PDAP1: variants seen among roughly 807,000 people sequenced by gnomAD.
PDAP1 encodes the protein PDGFA associated protein 1.
PDAP1 carries 13 observed loss-of-function variants against 28.0 expected under a neutral mutation model. The observed-to-expected ratio is 0.46, with a 90% CI of 0.30 to 0.74. The LOEUF (loss-of-function observed/expected upper bound fraction) is 0.74, where lower values mean the gene tolerates loss of function less well. Ranked by LOEUF, PDAP1 falls within the 30% of genes least tolerant of loss-of-function variation. The probability of loss-of-function intolerance (pLI) is 0.07; values close to 1 mark genes in which losing one functional copy is unlikely to be tolerated. For missense variants in PDAP1, 150 were observed against 230.0 expected (o/e 0.65, Z 2.25); for synonymous variants, 77 against 85.1 (o/e 0.91, Z 0.52).
intron 4 of PDAP1, 85 bp from the exon 5 acceptor site, chr7:99,398,098 T>G: frequency 6.5e-7 from 1 of 1,527,450 alleles, no homozygotes; most frequent in South Asian, 1.2e-5. Flanking sequence ...AGGCCAAGGA[T>G]TCGGCCTAGG....
intron 3 of PDAP1, among the ~76,000 whole-genome samples, chr7:99,402,895 A>AG (rs1340526129): frequency 0.032 from 4,083 of 127,590 alleles, 209 homozygotes; most frequent in East Asian, 0.24. Flanking sequence ...AAAAAAAAAA[A>AG]AGAAAAGAAA....
At position 99,395,338 on chromosome 7, in the gene PDAP1, A is replaced by T. The variant is rs558470578; in HGVS notation, c.*1344T>A. The T allele has an allele frequency of 6.6e-6, 1 of 152,214 alleles. No individual in the cohort carries two copies. The highest frequency in any genetic ancestry group is 6.5e-5 in the Admixed American group (1 of 15,294). 9.4% of individuals were successfully genotyped at this position (152,214 alleles called of 1,614,324 possible). A position where few individuals can be genotyped will look rare whatever the true frequency, so the allele number is the denominator to read the frequency against. On this transcript the variant is annotated 3_prime_UTR_variant, in exon 6 of 6. Transcript: ENST00000350498. ...GTTAATTTTTGTATTTTTAGTAGAGACGGAGTTTCTCCATGTTGGCCAGGC... is the reference window on the plus strand; with the variant it reads ...GTTAATTTTTGTATTTTTAGTAGAGTCGGAGTTTCTCCATGTTGGCCAGGC...
chr7:99,407,430 A>T (rs576960418), intron 1 of PDAP1, among the ~76,000 whole-genome samples: 68 of 152,354 alleles, frequency 4.5e-4, no homozygotes, highest in African/African-American at 1.5e-3. Flanking sequence ...AGAATAAATC[A>T]GTAGAGAGCT....
At position 99,396,733 on chromosome 7, in the gene PDAP1, G is replaced by A. The variant is rs140953503; in HGVS notation, c.495C>T (p.Asp165=). The A allele has an allele frequency of 5.5e-5, 88 of 1,611,886 alleles. No individual in the cohort carries two copies. The African/African-American group carries it at 6.4e-4, about 12-fold the overall frequency. Residue 165 remains aspartate (D), a synonymous_variant, in exon 6 of 6, where the codon GAC becomes GAT. Transcript: ENST00000350498. ...TTCGTTTTCCTGACAATGTGGCATC[G>A]TCTTTTGCTGAGGGGTGGGAGAAGG... The part of the protein sequence containing the change: ...RKKEEERKAK[D]DATLSGKRMQ...
rs371075863 is a variant in PDAP1 at position 99,404,959 on chromosome 7, G to A, written c.14-6C>T. 1.5e-5 allele frequency: 24 copies of A among 1,611,488 alleles called. No individual in the cohort carries two copies. In the African/African-American group the frequency reaches 2.7e-4, roughly 18 times the overall value. Reference sequence around the variant, plus strand: ...TTTGTGGCCTCCCTTTCTTCCTGCAGAGACCCGCAGTTTAGGTGAGCGGAA... The same window carrying A: ...TTTGTGGCCTCCCTTTCTTCCTGCAAAGACCCGCAGTTTAGGTGAGCGGAA... On this transcript the variant is annotated splice_region_variant and splice_polypyrimidine_tract_variant and intron_variant, in intron 1 of 5. Coordinates refer to ENST00000350498, the MANE Select transcript of PDAP1 (RefSeq NM_014891.7).
chr7:99,402,465 A>T (rs1388552687), intron 3 of PDAP1, among the ~76,000 whole-genome samples: 2 of 145,420 alleles, frequency 1.4e-5, no homozygotes, highest in Non-Finnish European at 3.0e-5. Context: ...AATTAGGTAG[A>T]TGTGGTGGCG....
rs1338566584 is a variant in PDAP1, at chr7:99,396,416, A to G, written c.*266T>C. 5.1e-5 allele frequency: 27 copies of G among 533,650 alleles called. No homozygotes were observed. The highest frequency in any genetic ancestry group is 7.1e-5 in the Non-Finnish European group (21 of 295,710). The allele number at this position is 533,650 out of a possible 1,614,324, so 33.1% of individuals were successfully genotyped here. ...CCCCCCAGCAAGGGCTCTGAATTCT[A>G]AAAACAGCAAAAACATTCAAATGGT... On this transcript the variant is annotated 3_prime_UTR_variant, in exon 6 of 6. Transcript: ENST00000350498.
rs1213362885 is a variant in PDAP1 at position 99,396,503 on chromosome 7, TCCCCCCCCCCATC to T, written c.*166_*178del. 5 of 330,706 alleles carry T rather than the reference TCCCCCCCCCCATC, an allele frequency of 1.5e-5. No homozygotes were observed. Among genetic ancestry groups the T allele is most frequent in the Non-Finnish European group, 2.5e-5 (4 of 162,954 alleles). 20.5% of individuals were successfully genotyped at this position (330,706 alleles called of 1,614,324 possible). ...AAGATAGCAGCTACCCCTCCCCCAG[TCCCCCCCCCCATC>T]CCCCAAACAATTTCTGTGCCAAGAT... On this transcript the variant is annotated 3_prime_UTR_variant, in exon 6 of 6. Coordinates refer to ENST00000350498, the MANE Select transcript of PDAP1 (RefSeq NM_014891.7).
At chr7:99,408,512 G>C in intron 1 of PDAP1, 24 bp downstream of exon 1, 2 of 1,324,568 alleles carry the variant, frequency 1.5e-6, no homozygotes, top group Non-Finnish European at 1.9e-6. Flanking sequence ...CCAGGCCTGC[G>C]GGCCACCGGC....
chr7:99,405,280 C>T (rs1794952459), intron 1 of PDAP1, among the ~76,000 whole-genome samples: 1 of 152,270 alleles, frequency 6.6e-6, no homozygotes, highest in Non-Finnish European at 1.5e-5. Flanking sequence ...TCAGATGCAA[C>T]CACAGAAACA....
Position 99,397,826 on chromosome 7 carries a change from T to C in PDAP1, c.487+36A>G, listed in dbSNP as rs758313368. The stretch of plus-strand genomic sequence containing the variant: ...TTTGTGGCTGGCCCAGGACCAGAGT[T>C]GGGGCCTGTCCCTGCGTGCGCAGCC... On this transcript the variant is annotated intron_variant, in intron 5 of 5. Coordinates refer to ENST00000350498, the MANE Select transcript of PDAP1 (RefSeq NM_014891.7). 6 of 1,605,432 alleles carry C rather than the reference T, an allele frequency of 3.7e-6. No individual in the cohort carries two copies. In the South Asian group the frequency reaches 6.6e-5, roughly 18 times the overall value.
At position 99,396,396 on chromosome 7, in the gene PDAP1, C is replaced by T. The variant is rs573912111; in HGVS notation, c.*286G>A. ...CTTACCCCATCTCCCAGGCACCCCC[C>T]AGCAAGGGCTCTGAATTCTAAAAAC... On this transcript the variant is annotated 3_prime_UTR_variant, in exon 6 of 6. Coordinates refer to ENST00000350498, the MANE Select transcript of PDAP1 (RefSeq NM_014891.7). 2 of 491,198 alleles carry T rather than the reference C, an allele frequency of 4.1e-6. No individual in the cohort carries two copies. The highest frequency in any genetic ancestry group is 2.1e-5 in the South Asian group (1 of 48,588). 30.4% of individuals were successfully genotyped at this position (491,198 alleles called of 1,614,324 possible).
rs1794744591 is a variant in PDAP1 at position 99,395,812 on chromosome 7, G to C, written c.*870C>G. 1 of 152,418 alleles carries C rather than the reference G, an allele frequency of 6.6e-6. No homozygotes were observed. Among genetic ancestry groups the C allele is most frequent in the African/African-American group, 2.4e-5 (1 of 41,442 alleles). 9.4% of individuals were successfully genotyped at this position (152,418 alleles called of 1,614,324 possible). ...AAAGGAGGGGAGGGGGCAGGCTGTG[G>C]TATCTAGGGTCCATCCCCGCATCCT... On this transcript the variant is annotated 3_prime_UTR_variant, in exon 6 of 6. Coordinates refer to ENST00000350498, the MANE Select transcript of PDAP1 (RefSeq NM_014891.7).
Position 99,397,910 on chromosome 7 carries a change from G to A in PDAP1, c.439C>T (p.Arg147Trp), listed in dbSNP as rs1794796743. Residue 147 changes from arginine (R) to tryptophan (W), a missense_variant, in exon 5 of 6, where the codon CGG (arginine) becomes TGG (tryptophan). Transcript: ENST00000350498. ...CGGGCAGCCTCCTCCCGCTGTTTCC[G>A]GATGATGGCCAGCCGGGCCAGGTCA... The part of the protein sequence containing the change: ...KADLARLAII[R>W]KQREEAARKK... 2 of 1,613,988 alleles carry A rather than the reference G, an allele frequency of 1.2e-6. No individual in the cohort carries two copies. The highest frequency in any genetic ancestry group is 8.5e-7 in the Non-Finnish European group (1 of 1,180,044).
intron 1 of PDAP1, among the ~76,000 whole-genome samples, chr7:99,405,519 C>G (rs955233141): frequency 6.6e-6 from 1 of 152,058 alleles, no homozygotes; most frequent in East Asian, 1.9e-4. Flanking sequence ...ACCACTATGC[C>G]CAGCTTATTT....
chr7:99,396,732 C>T lies in PDAP1; in HGVS notation c.496G>A (p.Asp166Asn), dbSNP rs771952212. The T allele has an allele frequency of 1.6e-5, 25 of 1,611,982 alleles. No homozygotes were observed. The highest frequency in any genetic ancestry group is 2.2e-5 in the East Asian group (1 of 44,870). Reference sequence around the variant, plus strand: ...ATTCGTTTTCCTGACAATGTGGCATCGTCTTTTGCTGAGGGGTGGGAGAAG... The same window carrying T: ...ATTCGTTTTCCTGACAATGTGGCATTGTCTTTTGCTGAGGGGTGGGAGAAG... ...KKEEERKAKD[D>N]ATLSGKRMQS... The change falls in exon 6 of 6, where the codon GAT becomes AAT. Residue 166 changes from aspartate (D) to asparagine (N), a missense_variant. Coordinates refer to ENST00000350498, the MANE Select transcript of PDAP1 (RefSeq NM_014891.7).
chr7:99,408,277 C>G (rs191668955), intron 1 of PDAP1, among the ~76,000 whole-genome samples: 5 of 152,128 alleles, frequency 3.3e-5, no homozygotes, highest in Admixed American at 6.5e-5. Context: ...GAAGCGCATC[C>G]TAGATCCGGC....
At chr7:99,403,029 C>T (rs1394776959) in intron 3 of PDAP1, among the ~76,000 whole-genome samples, 1 of 152,198 alleles carries the variant, frequency 6.6e-6, no homozygotes, top group Non-Finnish European at 1.5e-5. Flanking sequence ...CCTTCTGGTC[C>T]TTGAACATGC....
chr7:99,397,506 G>C (rs1273423050), intron 5 of PDAP1, among the ~76,000 whole-genome samples: 1 of 152,162 alleles, frequency 6.6e-6, no homozygotes, highest in African/African-American at 2.4e-5. Flanking sequence ...TCTCTCCTGG[G>C]TTCCCAAGGC....
Sources: gnomAD v4.1 joint callset for allele counts (sites outside exome capture counted in the v4.1 genomes callset) on GRCh38, gnomAD v4.1.1 for gene constraint, MANE v1.5 for transcripts, NCBI Gene and HGNC (gene_info 2026-07-23, HGNC 2026-07-21) for gene names.